The following KIAA1217 variants were observed in gnomAD, a reference collection of about 807,000 sequenced individuals.
The protein encoded by KIAA1217 is KIAA1217.
KIAA1217 carries 88 observed loss-of-function variants against 163.9 expected under a neutral mutation model. That is an observed-to-expected ratio of 0.54 (90% CI 0.45 to 0.64). The LOEUF (loss-of-function observed/expected upper bound fraction) is 0.64. Ranked by LOEUF, KIAA1217 falls within the 30% of genes least tolerant of loss-of-function variation. The pLI is 0.00. For missense variants in KIAA1217, 2,372 were observed against 2,475.0 expected (o/e 0.96, Z 0.88); for synonymous variants, 903 against 923.1 (o/e 0.98, Z 0.39).
intron 1 of KIAA1217, among the ~76,000 whole-genome samples, chr10:23,820,327 C>A (rs1837561053): frequency 6.6e-6 from 1 of 152,174 alleles, no homozygotes; most frequent in Non-Finnish European, 1.5e-5. Context: ...AAAATTCCAA[C>A]AATTTTGTTT....
chr10:23,851,567 A>T (rs1839323755), intron 1 of KIAA1217, among the ~76,000 whole-genome samples: 2 of 152,180 alleles, frequency 1.3e-5, no homozygotes, highest in African/African-American at 4.8e-5. Flanking sequence ...TTCTAGTTCT[A>T]GATCCCTGAG....
intron 2 of KIAA1217, among the ~76,000 whole-genome samples, chr10:24,271,538 C>T (rs2076767293): frequency 6.6e-6 from 1 of 151,974 alleles, no homozygotes; most frequent in African/African-American, 2.4e-5. Flanking sequence ...ATCACATGAA[C>T]CCAGGAGTTC....
chr10:23,841,827 CT>C (rs946474049), intron 1 of KIAA1217, among the ~76,000 whole-genome samples: 1 of 133,492 alleles, frequency 7.5e-6, no homozygotes, highest in Non-Finnish European at 1.6e-5. Flanking sequence ...ACCATTGGGA[CT>C]TTATTTTATT....
At chr10:24,460,435 T>C (rs1001067101) in intron 5 of KIAA1217, among the ~76,000 whole-genome samples, 1 of 152,178 alleles carries the variant, frequency 6.6e-6, no homozygotes, top group Non-Finnish European at 1.5e-5. Flanking sequence ...AGAATGGGCA[T>C]GAGGGCTTTT....
intron 1 of KIAA1217, among the ~76,000 whole-genome samples, chr10:23,711,997 T>A (rs980291703): frequency 3.9e-5 from 6 of 152,140 alleles, no homozygotes; most frequent in Non-Finnish European, 7.4e-5. Context: ...CCACTTCTGT[T>A]GCCTGTCTGC....
At chr10:24,025,572 T>C (rs547940855) in intron 2 of KIAA1217, among the ~76,000 whole-genome samples, 57 of 151,854 alleles carry the variant, frequency 3.8e-4, no homozygotes, top group African/African-American at 1.3e-3. Flanking sequence ...TTAATTGAGA[T>C]TACAATGAAT....
chr10:24,095,130 C>T (rs1300365415), intron 2 of KIAA1217, among the ~76,000 whole-genome samples: 4 of 152,204 alleles, frequency 2.6e-5, no homozygotes, highest in Non-Finnish European at 5.9e-5. Flanking sequence ...TTCCAGGTGC[C>T]ATCTGTCACC....
At chr10:24,082,134 G>A (rs985162314) in intron 2 of KIAA1217, among the ~76,000 whole-genome samples, 2 of 152,198 alleles carry the variant, frequency 1.3e-5, no homozygotes, top group Non-Finnish European at 2.9e-5. Context: ...GGTTAGGAAT[G>A]ACTGATGGCT....
intron 2 of KIAA1217, among the ~76,000 whole-genome samples, chr10:24,380,567 C>T (rs758128387): frequency 5.9e-5 from 9 of 151,734 alleles, no homozygotes; most frequent in African/African-American, 1.7e-4. Flanking sequence ...GCTTGAAAAC[C>T]GGAGGTGGAG....
intron 5 of KIAA1217, among the ~76,000 whole-genome samples, chr10:24,451,210 A>C (rs1044216267): frequency 8.5e-5 from 13 of 152,162 alleles, no homozygotes; most frequent in Middle Eastern, 3.2e-3. Context: ...AAATGTTTCC[A>C]TAGGACAGAG....
intron 2 of KIAA1217, among the ~76,000 whole-genome samples, chr10:24,270,319 G>A (rs913218207): frequency 6.6e-6 from 1 of 152,110 alleles, no homozygotes; most frequent in Non-Finnish European, 1.5e-5. Context: ...GTCATAGGTG[G>A]CTCATCTTCC....
chr10:23,842,538 A>G, intron 1 of KIAA1217, among the ~76,000 whole-genome samples: 1 of 152,152 alleles, frequency 6.6e-6, no homozygotes, highest in East Asian at 1.9e-4. Flanking sequence ...AGGCTAAGAA[A>G]TAATTTGCCC....
chr10:24,075,269 G>GT (rs1278581204), intron 2 of KIAA1217, among the ~76,000 whole-genome samples: 1 of 151,906 alleles, frequency 6.6e-6, no homozygotes, highest in African/African-American at 2.4e-5. Flanking sequence ...CCTGAAAGAC[G>GT]TATCATTCCA....
chr10:24,166,909 A>G (rs959111948), intron 2 of KIAA1217, among the ~76,000 whole-genome samples: 1 of 152,204 alleles, frequency 6.6e-6, no homozygotes, highest in Non-Finnish European at 1.5e-5. Flanking sequence ...AAAAAAATTA[A>G]TCATTTTTTT....
At chr10:24,111,433 T>C (rs1217075242) in intron 2 of KIAA1217, among the ~76,000 whole-genome samples, 4 of 152,220 alleles carry the variant, frequency 2.6e-5, no homozygotes, top group African/African-American at 9.7e-5. Context: ...CTTAAGGCTA[T>C]ATTTTGTAGT....
intron 1 of KIAA1217, among the ~76,000 whole-genome samples, chr10:23,995,734 A>C (rs1405419644): frequency 6.6e-6 from 1 of 152,176 alleles, no homozygotes; most frequent in Non-Finnish European, 1.5e-5. Flanking sequence ...AAATAATGTC[A>C]CTGTGTTATG....
chr10:24,211,362 T>TC (rs200165457), intron 1 of KIAA1217, among the ~76,000 whole-genome samples: 56,924 of 107,954 alleles, frequency 0.53, 16,274 homozygotes, highest in East Asian at 0.68. Flanking sequence ...GTGGGACTAC[T>TC]TTTTTTTTTT....
At chr10:23,846,055 T>A (rs1442816157) in intron 1 of KIAA1217, among the ~76,000 whole-genome samples, 1 of 152,152 alleles carries the variant, frequency 6.6e-6, no homozygotes, top group African/African-American at 2.4e-5. Context: ...TGTGTGGTGT[T>A]TTTTCTGAGG....
rs141313617 is a variant in KIAA1217, at chr10:24,515,563, T to C, written c.2177+2129T>C. Among the ~76,000 whole-genome samples, 184 of 152,236 alleles carry C rather than the reference T, an allele frequency of 1.2e-3. 1 individual carries two copies. The highest frequency in any genetic ancestry group is 4.1e-3 in the African/African-American group (171 of 41,540). ...GTTGGATTTGTGGGAAGGCCACAGA[T>C]GAGTAAAAGAGGCAAAGAGCCCTTG... On this transcript the variant is annotated intron_variant, in intron 10 of 20. Transcript: ENST00000376454.
Sources: allele counts gnomAD v4.1 joint callset (sites outside exome capture counted in the v4.1 genomes callset), GRCh38; gene constraint gnomAD v4.1.1; transcripts MANE v1.5; gene names NCBI Gene and HGNC (gene_info 2026-07-23, HGNC 2026-07-21).